UNC79: variants seen among roughly 807,000 people sequenced by gnomAD.
UNC79 encodes protein unc-79 homolog.
UNC79 carries 37 observed loss-of-function variants against 283.1 expected under a neutral mutation model. The ratio of observed to expected loss-of-function variants is 0.13; its 90% CI spans 0.10 to 0.17. UNC79 has a LOEUF of 0.17. Ranked by LOEUF, UNC79 falls within the 10% of genes least tolerant of loss-of-function variation. The pLI is 1.00. For synonymous variants in UNC79, 1,107 were observed against 1,200.2 expected, an observed-to-expected ratio of 0.92 and a Z score of 1.61; for missense variants, 2,272 against 3,211.1, an observed-to-expected ratio of 0.71 and a Z score of 7.07.
At position 93,617,957 on chromosome 14, in the gene UNC79, C is replaced by T. The variant is rs115084997; in HGVS notation, c.4225-235C>T. Among the ~76,000 whole-genome samples the T allele has an allele frequency of 4.1e-4, 63 of 152,178 alleles. 1 individual carries two copies. Among genetic ancestry groups the T allele is most frequent in the African/African-American group, 1.4e-3 (57 of 41,512 alleles). On this transcript the variant is annotated intron_variant, in intron 28 of 48. Transcript: ENST00000555664. The surrounding 1 kb of genome is among the most constrained non-coding windows in gnomAD (Gnocchi z 4.5). ...CTGAGGTGGGAGGATCACCTGAGCC[C>T]GGTAGGCTGCTATGATCACGCCACA...
intron 13 of UNC79, among the ~76,000 whole-genome samples, chr14:93,541,584 C>A (rs1265971363): frequency 6.6e-6 from 1 of 152,180 alleles, no homozygotes; most frequent in African/African-American, 2.4e-5. Flanking sequence ...TTTAATGACA[C>A]AATGGCTACT....
In UNC79 at chr14:93,539,318, C is replaced by T. The variant is rs957767321; in HGVS notation, c.1352+1100C>T. Among the ~76,000 whole-genome samples, 9 of 149,670 alleles carry T rather than the reference C, an allele frequency of 6.0e-5. No homozygotes were observed. In the East Asian group the frequency reaches 1.8e-3, roughly 30 times the overall value. On this transcript the variant is annotated intron_variant, in intron 12 of 48. Transcript: ENST00000555664. Reference sequence around the variant, plus strand: ...CGGGTGGATCACGGGGTCAGGATTTCGAGACCAGCCTGACCAACATGGTGA... The same window carrying T: ...CGGGTGGATCACGGGGTCAGGATTTTGAGACCAGCCTGACCAACATGGTGA...
At position 93,618,332 on chromosome 14, in the gene UNC79, C is replaced by T. The variant is rs182449301; in HGVS notation, c.4365C>T (p.Ser1455=). ...TGTACAGTGACAACAGTAACATAAGCAGATACAGCGAAAAAGAAAAAGGTA... is the reference window on the plus strand; with the variant it reads ...TGTACAGTGACAACAGTAACATAAGTAGATACAGCGAAAAAGAAAAAGGTA... The change falls in exon 29 of 49, where the codon AGC becomes AGT. Residue 1455 remains serine (S), a synonymous_variant. Coordinates refer to ENST00000555664, the Ensembl canonical transcript of UNC79. 151 of 1,612,416 alleles carry T rather than the reference C, an allele frequency of 9.4e-5. 1 individual carries two copies. The East Asian group carries it at 3.1e-3, about 33-fold the overall frequency.
intron 12 of UNC79, 101 bp from the exon 13 acceptor site, chr14:93,540,559 C>T (rs776802993): frequency 4.7e-5 from 62 of 1,320,156 alleles, no homozygotes; most frequent in Non-Finnish European, 5.9e-5. Context: ...GAAGAGCAAT[C>T]CAGGATGCTT....
At position 93,474,902 on chromosome 14, in the gene UNC79, ACAAT is replaced by A. The variant is rs1441265594; in HGVS notation, c.448+514_448+517del. 2.0e-5 allele frequency among the ~76,000 whole-genome samples: 3 copies of A among 152,216 alleles called. No individual in the cohort carries two copies. The highest frequency in any genetic ancestry group is 6.5e-5 in the Admixed American group (1 of 15,290). On this transcript the variant is annotated intron_variant, in intron 3 of 48. Coordinates refer to ENST00000555664, the Ensembl canonical transcript of UNC79. The surrounding 1 kb of genome is among the most constrained non-coding windows in gnomAD (Gnocchi z 4.1). Reference sequence around the variant, plus strand: ...CTAACAACTCTTCCAAATGTAAACAACAATCAATAGTTATTACAAAATGTTGTAT... The same window carrying A: ...CTAACAACTCTTCCAAATGTAAACAACAATAGTTATTACAAAATGTTGTAT...
At chr14:93,574,998 C>A in intron 16 of UNC79, 60 bp from the exon 17 acceptor site, 1 of 1,555,014 alleles carries the variant, frequency 6.4e-7, no homozygotes, top group Non-Finnish European at 8.7e-7. Context: ...TTAAATATAG[C>A]TTTTTTGAGT....
intron 1 of UNC79, among the ~76,000 whole-genome samples, chr14:93,449,062 A>G (rs1188803381): frequency 1.3e-5 from 2 of 152,164 alleles, no homozygotes; most frequent in African/African-American, 2.4e-5. Flanking sequence ...ATGGATGCTG[A>G]TGCCACATGG....
chr14:93,613,282 C>CAG (rs1320879514), intron 27 of UNC79, among the ~76,000 whole-genome samples, 199 bp downstream of exon 28: 2 of 150,578 alleles, frequency 1.3e-5, no homozygotes, highest in Non-Finnish European at 3.0e-5. Flanking sequence ...CAGAAAATGA[C>CAG]AGAGAGAGAG....
intron 23 of UNC79, among the ~76,000 whole-genome samples, chr14:93,596,974 C>G (rs2065126639): frequency 6.6e-6 from 1 of 152,194 alleles, no homozygotes; most frequent in African/African-American, 2.4e-5. Context: ...GCACCTCCTA[C>G]CTCTCTGTTA....
chr14:93,676,085 G>A (rs1034331840), intron 41 of UNC79, among the ~76,000 whole-genome samples: 3 of 152,106 alleles, frequency 2.0e-5, no homozygotes, highest in Admixed American at 2.0e-4. Context: ...GAGACAAGAT[G>A]TTGCTCTGTC....
chr14:93,508,204 G>A (rs545484719), intron 7 of UNC79, among the ~76,000 whole-genome samples: 199 of 124,650 alleles, frequency 1.6e-3, no homozygotes, highest in Non-Finnish European at 2.0e-3. Flanking sequence ...AATTTCTGTC[G>A]AAAAAAAAAA....
At chr14:93,574,919 A>T (rs2063390654) in intron 16 of UNC79, 139 bp from the exon 17 acceptor site, 10 of 895,344 alleles carry the variant, frequency 1.1e-5, no homozygotes, top group Non-Finnish European at 1.5e-5. Flanking sequence ...TTGGAGGATG[A>T]CTGTGTTGAT....
chr14:93,394,289 ATTC>A (rs1423905110), intron 1 of UNC79, among the ~76,000 whole-genome samples: 1 of 151,844 alleles, frequency 6.6e-6, no homozygotes, highest in Admixed American at 6.6e-5. Context: ...AGAGCTGTAC[ATTC>A]TTAACTGATT....
In UNC79 at chr14:93,528,675, A is replaced by AT. The variant is rs763960289; in HGVS notation, c.1052+29_1052+30insT. 5 of 1,592,848 alleles carry AT rather than the reference A, an allele frequency of 3.1e-6. No homozygotes were observed. The Admixed American group carries it at 8.4e-5, about 27-fold the overall frequency. On this transcript the variant is annotated intron_variant, in intron 9 of 48. Coordinates refer to ENST00000555664, the Ensembl canonical transcript of UNC79. ...GGTATAAGAGTTCTTAAAGAAAAGG[A>AT]AATAGGACAACAATAAGAAGATAAG...
At chr14:93,403,141 G>A (rs980804925) in intron 1 of UNC79, among the ~76,000 whole-genome samples, 2 of 152,154 alleles carry the variant, frequency 1.3e-5, no homozygotes, top group Non-Finnish European at 2.9e-5. Flanking sequence ...TGTGAGAGGG[G>A]GGTAGAGGAA....
intron 47 of UNC79, among the ~76,000 whole-genome samples, chr14:93,697,211 C>T (rs1278828041): frequency 1.3e-5 from 2 of 152,156 alleles, no homozygotes; most frequent in African/African-American, 4.8e-5. Flanking sequence ...TCTCGGCTTA[C>T]TGCAACCTCC....
chr14:93,409,526 T>C (rs1566917896), intron 1 of UNC79, among the ~76,000 whole-genome samples: 2 of 152,020 alleles, frequency 1.3e-5, no homozygotes, highest in African/African-American at 2.4e-5. Flanking sequence ...CCTCCGTCTC[T>C]ACAAAAAATA....
chr14:93,396,246 A>T lies in UNC79; in HGVS notation c.-351+62723A>T, dbSNP rs571389405. On this transcript the variant is annotated intron_variant, in intron 1 of 49. Coordinates refer to the UNC79 transcript ENST00000256339. ...AATTTTTCTCTTTGTTTTTTTTTTT[A>T]AAAGTCTATCTCTTTAAAATGTCTA... 6.1e-3 allele frequency among the ~76,000 whole-genome samples: 895 copies of T among 147,144 alleles called. 6 individuals are homozygous for T. The highest frequency in any genetic ancestry group is 0.02 in the African/African-American group (801 of 40,008).
Position 93,621,497 on chromosome 14 carries a change from G to T in UNC79, c.4388-124G>T. 4 of 1,257,156 alleles carry T rather than the reference G, an allele frequency of 3.2e-6. 1 individual carries two copies. The highest frequency in any genetic ancestry group is 2.3e-5 in the South Asian group (1 of 43,892). The allele number at this position is 1,257,156 out of a possible 1,614,324, so 77.9% of individuals were successfully genotyped here. On this transcript the variant is annotated intron_variant, in intron 29 of 48. Coordinates refer to ENST00000555664, the Ensembl canonical transcript of UNC79. This position sits in a 1 kb window ranked among gnomAD's most constrained non-coding sequence, Gnocchi z 4.8. ...TTACAAAAACTTGGCCAGAAAGTTC[G>T]TTTTCCCTCCTGGTGGAGCTGGGAT...
Sources: allele counts gnomAD v4.1 joint callset (sites outside exome capture counted in the v4.1 genomes callset), GRCh38; gene constraint gnomAD v4.1.1; non-coding constraint Gnocchi (gnomAD v3.1); transcripts MANE v1.5; gene names NCBI Gene and HGNC (gene_info 2026-07-23, HGNC 2026-07-21).